CCDC178: variants seen among roughly 807,000 people sequenced by gnomAD.
CCDC178 encodes coiled-coil domain-containing protein 178.
CCDC178 carries 126 observed loss-of-function variants against 117.4 expected under a neutral mutation model. The observed-to-expected ratio is 1.07, with a 90% CI of 0.93 to 1.24. The LOEUF (loss-of-function observed/expected upper bound fraction) is 1.24. Among genes scored for constraint, CCDC178 ranks in the 50% most tolerant of loss-of-function variants. CCDC178 has a pLI of 0.00. For missense variants in CCDC178, 1,030 were observed against 986.9 expected (o/e 1.04, Z -0.59); for synonymous variants, 283 against 313.4 (o/e 0.90, Z 1.02).
intron 20 of CCDC178, among the ~76,000 whole-genome samples, chr18:33,144,024 T>G (rs2058241819): frequency 6.6e-6 from 1 of 152,026 alleles, no homozygotes; most frequent in African/African-American, 2.4e-5. Flanking sequence ...CACCTTTGAG[T>G]TTTTGTTCTA....
intron 9 of CCDC178, among the ~76,000 whole-genome samples, chr18:33,333,936 T>G (rs1157864231): frequency 6.6e-6 from 1 of 152,184 alleles, no homozygotes; most frequent in Non-Finnish European, 1.5e-5. Context: ...CTGTTTATGT[T>G]GTATGGTCAA....
chr18:33,342,069 T>C (rs4799692), intron 9 of CCDC178, among the ~76,000 whole-genome samples: 65,397 of 151,998 alleles, frequency 0.43, 15,600 homozygotes, highest in African/African-American at 0.65. Flanking sequence ...CAGTGAAACT[T>C]CTAGGATTCT....
At chr18:32,951,945 C>T (rs2054495222) in intron 22 of CCDC178, among the ~76,000 whole-genome samples, 1 of 152,196 alleles carries the variant, frequency 6.6e-6, no homozygotes, top group African/African-American at 2.4e-5. Flanking sequence ...AGTCATTAAA[C>T]CTTAAAGTTT....
At chr18:33,349,924 C>T (rs1190386822) in intron 7 of CCDC178, among the ~76,000 whole-genome samples, 1 of 151,816 alleles carries the variant, frequency 6.6e-6, no homozygotes, top group Admixed American at 6.6e-5. Flanking sequence ...TATTTTACTA[C>T]CATTTCATAT....
intron 21 of CCDC178, among the ~76,000 whole-genome samples, chr18:32,982,570 C>T (rs977157497): frequency 6.6e-6 from 1 of 151,966 alleles, no homozygotes; most frequent in Non-Finnish European, 1.5e-5. Flanking sequence ...TTTGAAAATA[C>T]CTTATTTATA....
intron 21 of CCDC178, among the ~76,000 whole-genome samples, chr18:33,085,267 A>G (rs1429484589): frequency 1.3e-5 from 2 of 152,232 alleles, no homozygotes; most frequent in African/African-American, 4.8e-5. Context: ...CTTTATATTT[A>G]AAACGTATTT....
chr18:33,292,246 A>G (rs2144872120), intron 12 of CCDC178, among the ~76,000 whole-genome samples: 1 of 152,322 alleles, frequency 6.6e-6, no homozygotes, highest in South Asian at 2.1e-4. Flanking sequence ...CAGCAATAAA[A>G]AGGAATGAAT....
At chr18:33,156,455 TC>T (rs1183272305) in intron 20 of CCDC178, among the ~76,000 whole-genome samples, 1 of 151,026 alleles carries the variant, frequency 6.6e-6, no homozygotes, top group African/African-American at 2.4e-5. Context: ...AAAAAAAAAC[TC>T]CCAGGTAGCA....
intron 20 of CCDC178, among the ~76,000 whole-genome samples, chr18:33,187,109 G>C (rs532341366): frequency 6.6e-6 from 1 of 151,524 alleles, no homozygotes; most frequent in African/African-American, 2.4e-5. Flanking sequence ...GAGAGAGAGA[G>C]AGAGAGACTG....
intron 20 of CCDC178, among the ~76,000 whole-genome samples, chr18:33,182,145 T>C (rs2058739388): frequency 6.6e-6 from 1 of 151,956 alleles, no homozygotes; most frequent in African/African-American, 2.4e-5. Flanking sequence ...AATATATCAC[T>C]TTTCACAAGA....
intron 20 of CCDC178, among the ~76,000 whole-genome samples, chr18:33,206,119 T>C (rs920286278): frequency 1.3e-5 from 2 of 152,224 alleles, no homozygotes; most frequent in Non-Finnish European, 2.9e-5. Context: ...ATTTATTTAT[T>C]AATTGCATCC....
chr18:33,044,136 C>T (rs1377592096), intron 21 of CCDC178, among the ~76,000 whole-genome samples: 1 of 151,634 alleles, frequency 6.6e-6, no homozygotes, highest in Non-Finnish European at 1.5e-5. Context: ...AATTTAACCT[C>T]TCCAAGTTTA....
At chr18:33,377,949 T>C (rs1234681478) in intron 5 of CCDC178, among the ~76,000 whole-genome samples, 2 of 152,212 alleles carry the variant, frequency 1.3e-5, no homozygotes, top group Non-Finnish European at 2.9e-5. Context: ...TCTGTATGAA[T>C]TTTAAAATAG....
chr18:33,382,735 C>T (rs535636600), intron 5 of CCDC178, among the ~76,000 whole-genome samples: 25 of 152,262 alleles, frequency 1.6e-4, no homozygotes, highest in African/African-American at 6.0e-4. Context: ...GTCTCAAGCA[C>T]AAAACTGGGT....
At chr18:32,983,779 A>G (rs1202941265) in intron 21 of CCDC178, among the ~76,000 whole-genome samples, 1 of 152,078 alleles carries the variant, frequency 6.6e-6, no homozygotes, top group South Asian at 2.1e-4. Flanking sequence ...GATAAAACTG[A>G]TAAGTGAAGG....
intron 16 of CCDC178, among the ~76,000 whole-genome samples, chr18:33,226,098 TTA>T (rs2059300507): frequency 1.3e-5 from 2 of 152,092 alleles, no homozygotes; most frequent in Non-Finnish European, 2.9e-5. Flanking sequence ...GAGGCAGAGG[TTA>T]TGGTGAGCCA....
intron 11 of CCDC178, among the ~76,000 whole-genome samples, chr18:33,306,743 T>C (rs2062260902): frequency 6.6e-6 from 1 of 151,896 alleles, no homozygotes; most frequent in African/African-American, 2.4e-5. Flanking sequence ...TTTGGCTGTG[T>C]CCCCACCCAA....
At chr18:33,223,250 G>A (rs1165686300) in intron 17 of CCDC178, 31 bp from the exon 18 acceptor site, 2 of 1,555,878 alleles carry the variant, frequency 1.3e-6, no homozygotes, top group Non-Finnish European at 1.7e-6. Context: ...AAGATGTGCA[G>A]CATTTGCAAC....
intron 8 of CCDC178, among the ~76,000 whole-genome samples, chr18:33,347,509 C>T (rs1021830485): frequency 8.5e-5 from 13 of 152,068 alleles, no homozygotes; most frequent in African/African-American, 3.1e-4. Flanking sequence ...TACACTGGTC[C>T]TTTATTTGGC....
Sources: allele counts gnomAD v4.1 joint callset (sites outside exome capture counted in the v4.1 genomes callset), GRCh38; gene constraint gnomAD v4.1.1; transcripts MANE v1.5; gene names NCBI Gene and HGNC (gene_info 2026-07-23, HGNC 2026-07-21).